The following PCDHGA1 variants were observed in gnomAD, a reference collection of about 807,000 sequenced individuals.
PCDHGA1 encodes protocadherin gamma-A1.
In PCDHGA1, 32 loss-of-function variants were observed where a neutral mutation model predicts 58.0. The observed-to-expected ratio is 0.55, with a 90% CI of 0.42 to 0.74. PCDHGA1 has a LOEUF of 0.74. PCDHGA1 is among the 30% of genes least tolerant of loss of function. The pLI, the probability that PCDHGA1 is intolerant of heterozygous loss-of-function variation, is 0.00. For missense variants in PCDHGA1, 1,205 were observed against 1,182.3 expected, an observed-to-expected ratio of 1.02 and a Z score of -0.28; for synonymous variants, 498 against 501.1, an observed-to-expected ratio of 0.99 and a Z score of 0.08.
chr5:141,431,932 CT>C lies in PCDHGA1; in HGVS notation c.2422-62872del, dbSNP rs748715936. ...TCTGTTTCATCCAAGGAAATCTGCC[CT>C]TTAAATTAGAAAAATCTTACGGAAA... On this transcript the variant is annotated intron_variant, in intron 1 of 3. Transcript: ENST00000517417. The surrounding 1 kb of genome is among the most constrained non-coding windows in gnomAD (Gnocchi z 4.8). The C allele has an allele frequency of 6.2e-7, 1 of 1,614,172 alleles. No individual in the cohort carries two copies. Among genetic ancestry groups the C allele is most frequent in the Non-Finnish European group, 8.5e-7 (1 of 1,180,002 alleles).
chr5:141,487,750 T>A lies in PCDHGA1; in HGVS notation c.2422-7057T>A, dbSNP rs2099664307. On this transcript the variant is annotated intron_variant, in intron 1 of 3. Coordinates refer to ENST00000517417, the MANE Select transcript of PCDHGA1 (RefSeq NM_018912.3). The surrounding 1 kb of genome is among the most constrained non-coding windows in gnomAD (Gnocchi z 5.0). Reference sequence around the variant, plus strand: ...TCACCATTTTTGTAAGAGGTAACTATGTGGTAGACGCTGTGCTTTGTAACT... The same window carrying A: ...TCACCATTTTTGTAAGAGGTAACTAAGTGGTAGACGCTGTGCTTTGTAACT... 1 of 1,555,392 alleles carries A rather than the reference T, an allele frequency of 6.4e-7. No homozygotes were observed. Among genetic ancestry groups the A allele is most frequent in the African/African-American group, 1.4e-5 (1 of 73,376 alleles).
intron 1 of PCDHGA1, chr5:141,375,694 C>T (rs2150065576): frequency 1.2e-6 from 2 of 1,614,232 alleles, no homozygotes; most frequent in African/African-American, 2.7e-5. Context: ...CCAGCGACAG[C>T]GGGGACCCGC....
In PCDHGA1 at chr5:141,334,256, G is replaced by A. The variant is rs1439047542; in HGVS notation, c.2421+1151G>A. ...GTGCTTCAGACTAGATAAATATCTG[G>A]ACCAGGCTTACTGCCTGAATCCAAA... On this transcript the variant is annotated intron_variant, in intron 1 of 3. Coordinates refer to ENST00000517417, the MANE Select transcript of PCDHGA1 (RefSeq NM_018912.3). This position sits in a 1 kb window ranked among gnomAD's most constrained non-coding sequence, Gnocchi z 4.6. The A allele has an allele frequency of 6.6e-6, 1 of 152,222 alleles. No homozygotes were observed. The highest frequency in any genetic ancestry group is 1.5e-5 in the Non-Finnish European group (1 of 68,040). The allele number at this position is 152,222 out of a possible 1,614,324, so 9.4% of individuals were successfully genotyped here. A position where few individuals can be genotyped will look rare whatever the true frequency, so the allele number is the denominator to read the frequency against.
At chr5:141,389,562 G>C in intron 1 of PCDHGA1, 1 of 1,613,284 alleles carries the variant, frequency 6.2e-7, no homozygotes, top group Middle Eastern at 1.7e-4. Context: ...TGCGCCACGG[G>C]TGCTGTACCC....
At chr5:141,471,046 C>G (rs960750377) in intron 1 of PCDHGA1, among the ~76,000 whole-genome samples, 3 of 113,280 alleles carry the variant, frequency 2.6e-5, no homozygotes, top group African/African-American at 1.1e-4. Context: ...CCCAAGCCCT[C>G]TTTTTTTTTT....
At chr5:141,388,568 ACACG>A in intron 1 of PCDHGA1, 1 of 1,613,888 alleles carries the variant, frequency 6.2e-7, no homozygotes, top group Non-Finnish European at 8.5e-7. Context: ...CTGCACAGAT[ACACG>A]TTCTAGTGAC....
chr5:141,500,484 C>T (rs2099800696), intron 2 of PCDHGA1, among the ~76,000 whole-genome samples: 1 of 152,304 alleles, frequency 6.6e-6, no homozygotes, highest in Non-Finnish European at 1.5e-5. Context: ...GCTGGGATTA[C>T]AGGCGTGAGC....
chr5:141,343,511 C>T (rs936890663), intron 1 of PCDHGA1, among the ~76,000 whole-genome samples: 3 of 152,140 alleles, frequency 2.0e-5, no homozygotes, highest in Non-Finnish European at 4.4e-5. Flanking sequence ...TTGGTCCTTA[C>T]GGCCAGTTCT....
chr5:141,455,529 G>A (rs2098825323), intron 1 of PCDHGA1, among the ~76,000 whole-genome samples: 1 of 152,146 alleles, frequency 6.6e-6, no homozygotes, highest in Non-Finnish European at 1.5e-5. Flanking sequence ...GGTTTGACCA[G>A]GCATATCATT....
chr5:141,432,622 G>A lies in PCDHGA1; in HGVS notation c.2422-62185G>A. 6.2e-7 allele frequency: 1 copy of A among 1,612,776 alleles called. No individual in the cohort carries two copies. The stretch of plus-strand genomic sequence containing the variant: ...AGCCGGGACTCTTCTCGGTGGGTCT[G>A]CACACGGGCGAGGTGCGCACGGCGC... On this transcript the variant is annotated intron_variant, in intron 1 of 3. Transcript: ENST00000517417. This position sits in a 1 kb window ranked among gnomAD's most constrained non-coding sequence, Gnocchi z 6.0.
intron 1 of PCDHGA1, among the ~76,000 whole-genome samples, chr5:141,381,220 G>C (rs912985270): frequency 6.6e-6 from 1 of 152,190 alleles, no homozygotes; most frequent in African/African-American, 2.4e-5. Context: ...TCTCCTCCTG[G>C]TTCCACCAAC....
chr5:141,423,880 G>C, intron 1 of PCDHGA1: 1 of 1,282,292 alleles, frequency 7.8e-7, no homozygotes, highest in Non-Finnish European at 9.9e-7. Context: ...TTTCAATCTT[G>C]GCATATTTTC....
At chr5:141,375,970 G>C in intron 1 of PCDHGA1, 2 of 1,613,334 alleles carry the variant, frequency 1.2e-6, no homozygotes, top group Non-Finnish European at 1.7e-6. Flanking sequence ...TGCGCACGGC[G>C]CGCGCCCTGC....
chr5:141,357,326 C>A (rs751525269), intron 1 of PCDHGA1: 6 of 1,613,964 alleles, frequency 3.7e-6, no homozygotes, highest in East Asian at 4.5e-5. Flanking sequence ...GCTTTTGTCA[C>A]GGTGCTGCTA....
chr5:141,483,435 A>G (rs2099581280), intron 1 of PCDHGA1, among the ~76,000 whole-genome samples: 1 of 152,180 alleles, frequency 6.6e-6, no homozygotes, highest in Admixed American at 6.5e-5. Context: ...GGAGCTGACT[A>G]CAATAAAATC....
intron 1 of PCDHGA1, among the ~76,000 whole-genome samples, chr5:141,382,210 G>T (rs61675507): frequency 0.17 from 26,250 of 151,970 alleles, 2,491 homozygotes; most frequent in Admixed American, 0.27. Context: ...TATTAAAATA[G>T]GTCTATATAT....
chr5:141,341,291 A>T, intron 1 of PCDHGA1: 1 of 1,614,230 alleles, frequency 6.2e-7, no homozygotes. Flanking sequence ...CCCCCAGCCC[A>T]ACTATGCGGA....
chr5:141,332,676 G>A lies in PCDHGA1; in HGVS notation c.1992G>A (p.Val664=), dbSNP rs201668090. 15 of 1,613,738 alleles carry A rather than the reference G, an allele frequency of 9.3e-6. No individual in the cohort carries two copies. The highest frequency in any genetic ancestry group is 1.7e-4 in the Middle Eastern group (1 of 5,810). ...LSATVTLTVA[V]ADRISDILAD... is the part of the protein sequence containing the mutation. ...CCACTGTCACGCTCACCGTGGCCGTGGCCGACAGGATCTCCGACATCCTGG... is the reference window on the plus strand; with the variant it reads ...CCACTGTCACGCTCACCGTGGCCGTAGCCGACAGGATCTCCGACATCCTGG... Residue 664 remains valine (V), a synonymous_variant, in exon 1 of 4, where the codon GTG becomes GTA. Transcript: ENST00000517417. This position sits in a 1 kb window ranked among gnomAD's most constrained non-coding sequence, Gnocchi z 4.6.
At position 141,432,688 on chromosome 5, in the gene PCDHGA1, A is replaced by G. The variant is rs143889434; in HGVS notation, c.2422-62119A>G. On this transcript the variant is annotated intron_variant, in intron 1 of 3. Coordinates refer to ENST00000517417, the MANE Select transcript of PCDHGA1 (RefSeq NM_018912.3). The surrounding 1 kb of genome is among the most constrained non-coding windows in gnomAD (Gnocchi z 6.0). ...GAGACGCGCTCAAGCAGAGCCTCGT[A>G]GTGGCCGTCCAGGACCACGGCCAGC... 2,218 of 1,613,894 alleles carry G rather than the reference A, an allele frequency of 1.4e-3. 31 individuals are homozygous for G. The African/African-American group carries it at 0.023, about 17-fold the overall frequency.
Sources: gnomAD v4.1 joint callset for allele counts (sites outside exome capture counted in the v4.1 genomes callset) on GRCh38, gnomAD v4.1.1 for gene constraint, Gnocchi (gnomAD v3.1) non-coding constraint, MANE v1.5 for transcripts, NCBI Gene and HGNC (gene_info 2026-07-23, HGNC 2026-07-21) for gene names.